The following ATP8A1 variants were observed in gnomAD, a reference collection of about 807,000 sequenced individuals.
The protein encoded by ATP8A1 is phospholipid-transporting ATPase IA.
In ATP8A1, 90 loss-of-function variants were observed where a neutral mutation model predicts 177.7. The observed-to-expected ratio is 0.51, with a 90% CI of 0.43 to 0.60. The LOEUF is 0.60. Ranked by LOEUF, ATP8A1 falls within the 20% of genes least tolerant of loss-of-function variation. The pLI is 0.00. For synonymous variants in ATP8A1, 493 were observed against 485.9 expected, an observed-to-expected ratio of 1.01 and a Z score of -0.19; for missense variants, 1,072 against 1,392.8, an observed-to-expected ratio of 0.77 and a Z score of 3.67.
intron 1 of ATP8A1, among the ~76,000 whole-genome samples, chr4:42,649,095 A>G (rs1333252347): frequency 3.9e-5 from 6 of 152,322 alleles, no homozygotes; most frequent in African/African-American, 1.2e-4. Flanking sequence ...AAAAAGATAC[A>G]AAGATGCTTA....
At chr4:42,553,792 A>C (rs949207256) in intron 16 of ATP8A1, among the ~76,000 whole-genome samples, 24 of 152,176 alleles carry the variant, frequency 1.6e-4, no homozygotes, top group African/African-American at 5.8e-4. Flanking sequence ...GTTTACTTAT[A>C]GCAAGACAAG....
chr4:42,430,154 GAAAAA>G (rs921432271), intron 33 of ATP8A1, among the ~76,000 whole-genome samples: 2 of 147,166 alleles, frequency 1.4e-5, no homozygotes, highest in African/African-American at 2.5e-5. Flanking sequence ...AAATGAAAAA[GAAAAA>G]AAAAAGATTC....
At chr4:42,459,804 T>C (rs1248505204) in intron 27 of ATP8A1, among the ~76,000 whole-genome samples, 1 of 152,198 alleles carries the variant, frequency 6.6e-6, no homozygotes, top group Non-Finnish European at 1.5e-5. Context: ...TTATTTATTT[T>C]TTTGAGACAG....
At chr4:42,543,314 A>G (rs1728592468) in intron 20 of ATP8A1, among the ~76,000 whole-genome samples, 1 of 152,212 alleles carries the variant, frequency 6.6e-6, no homozygotes. Context: ...AGAACAGTTC[A>G]GAAGGAAAAT....
At chr4:42,497,388 G>A (rs1265856493) in intron 24 of ATP8A1, among the ~76,000 whole-genome samples, 1 of 152,224 alleles carries the variant, frequency 6.6e-6, no homozygotes, top group Non-Finnish European at 1.5e-5. Flanking sequence ...AAGAGGGCAC[G>A]AGGCATGGCG....
intron 6 of ATP8A1, 31 bp from the exon 7 acceptor site, chr4:42,590,915 G>T: frequency 6.9e-7 from 1 of 1,445,970 alleles, no homozygotes; most frequent in Non-Finnish European, 9.2e-7. Context: ...TAATTAAAAT[G>T]GCCAAAAAAA....
intron 25 of ATP8A1, among the ~76,000 whole-genome samples, chr4:42,467,971 C>T (rs529435767): frequency 1.2e-3 from 177 of 152,214 alleles, no homozygotes; most frequent in Non-Finnish European, 2.2e-3. Flanking sequence ...ACTCTGCTGA[C>T]TGATCCTTTT....
At chr4:42,579,715 C>G (rs888195442) in intron 11 of ATP8A1, 98 bp downstream of exon 11, 1 of 1,130,296 alleles carries the variant, frequency 8.8e-7, no homozygotes, top group Non-Finnish European at 1.3e-6. Context: ...GCAACAAGGT[C>G]TTTTTAGAAA....
intron 22 of ATP8A1, among the ~76,000 whole-genome samples, chr4:42,516,457 C>A (rs902063715): frequency 2.0e-5 from 3 of 152,088 alleles, no homozygotes; most frequent in African/African-American, 7.2e-5. Flanking sequence ...AATCTTATCA[C>A]CAGGGAAATA....
At chr4:42,635,909 T>C (rs985940160) in intron 1 of ATP8A1, among the ~76,000 whole-genome samples, 3 of 150,152 alleles carry the variant, frequency 2.0e-5, no homozygotes, top group Non-Finnish European at 4.4e-5. Flanking sequence ...CTAAGGCAGC[T>C]TGACTAATGG....
At chr4:42,622,170 G>A (rs1425320675) in intron 4 of ATP8A1, among the ~76,000 whole-genome samples, 1 of 150,956 alleles carries the variant, frequency 6.6e-6, no homozygotes, top group Non-Finnish European at 1.5e-5. Flanking sequence ...GAGGTCAGAA[G>A]TTCAAGACCA....
intron 22 of ATP8A1, 144 bp downstream of exon 22, chr4:42,522,016 G>T: frequency 1.1e-6 from 1 of 890,396 alleles, no homozygotes; most frequent in Non-Finnish European, 1.6e-6. Context: ...ATTAATACTT[G>T]TTAATGCTTA....
intron 10 of ATP8A1, among the ~76,000 whole-genome samples, chr4:42,581,226 T>C (rs1424199376): frequency 2.6e-5 from 4 of 152,026 alleles, no homozygotes; most frequent in Admixed American, 6.5e-5. Context: ...CTCCGCCTCC[T>C]GGATTCACGC....
At chr4:42,523,748 G>T (rs1726384484) in intron 21 of ATP8A1, among the ~76,000 whole-genome samples, 1 of 152,146 alleles carries the variant, frequency 6.6e-6, no homozygotes, top group African/African-American at 2.4e-5. Context: ...GTTGTATGCT[G>T]GGTAGGTTGC....
At chr4:42,623,897 T>G (rs1242927403) in intron 4 of ATP8A1, among the ~76,000 whole-genome samples, 1 of 152,082 alleles carries the variant, frequency 6.6e-6, no homozygotes, top group East Asian at 1.9e-4. Flanking sequence ...TGAAGTAGTT[T>G]AAAAGAACAG....
At chr4:42,473,685 G>A (rs558891445) in intron 25 of ATP8A1, among the ~76,000 whole-genome samples, 14 of 151,826 alleles carry the variant, frequency 9.2e-5, no homozygotes, top group East Asian at 1.9e-4. Context: ...TTGCTCTGTC[G>A]CCCAGGCTGG....
intron 33 of ATP8A1, among the ~76,000 whole-genome samples, chr4:42,440,791 C>T (rs1415016865): frequency 6.6e-6 from 1 of 152,214 alleles, no homozygotes; most frequent in East Asian, 1.9e-4. Context: ...GTGTCTCACT[C>T]TCCAAAATAC....
chr4:42,466,887 A>C (rs1719833326), intron 25 of ATP8A1, among the ~76,000 whole-genome samples: 1 of 152,240 alleles, frequency 6.6e-6, no homozygotes, highest in Non-Finnish European at 1.5e-5. Context: ...ACATTTAGTA[A>C]ATGTCAAAAA....
Position 42,423,593 on chromosome 4 carries a change from G to A in ATP8A1, c.3212+24C>T, listed in dbSNP as rs377196430. On this transcript the variant is annotated intron_variant, in intron 34 of 36. Coordinates refer to ENST00000381668, the MANE Select transcript of ATP8A1 (RefSeq NM_006095.2). ...GATGAATATGCATCTATATTTCTCC[G>A]TATATAACTGAGTATATACTTACAC... 1,997 of 1,519,154 alleles carry A rather than the reference G, an allele frequency of 1.3e-3. 5 individuals carry two copies. The highest frequency in any genetic ancestry group is 1.7e-3 in the Non-Finnish European group (1,891 of 1,101,328). 94.1% of individuals were successfully genotyped at this position (1,519,154 alleles called of 1,614,324 possible). A position where few individuals can be genotyped will look rare whatever the true frequency, so the allele number is the denominator to read the frequency against.
Sources: gnomAD v4.1 joint callset for allele counts (sites outside exome capture counted in the v4.1 genomes callset) on GRCh38, gnomAD v4.1.1 for gene constraint, MANE v1.5 for transcripts, NCBI Gene and HGNC (gene_info 2026-07-23, HGNC 2026-07-21) for gene names.